Variants in ATP2B2 observed in about 807,000 individuals in gnomAD.
ATP2B2 encodes the protein ATPase plasma membrane Ca2+ transporting 2, also known as plasma membrane calcium-transporting ATPase 2.
In ATP2B2, 15 loss-of-function variants were observed where a neutral mutation model predicts 120.0. The observed-to-expected ratio is 0.12, with a 90% confidence interval of 0.08 to 0.19. The LOEUF is 0.19. Ranked by LOEUF, ATP2B2 falls within the 10% of genes least tolerant of loss-of-function variation. The pLI, the probability that ATP2B2 is intolerant of heterozygous loss-of-function variation, is 1.00. For synonymous variants in ATP2B2, 694 were observed against 700.3 expected (o/e 0.99, Z 0.14); for missense variants, 1,045 against 1,719.8 (o/e 0.61, Z 6.94).
Position 10,583,049 on chromosome 3 carries a change from G to C in ATP2B2, c.-415+36868C>G, listed in dbSNP as rs78839614. On this transcript the variant is annotated intron_variant, in intron 2 of 21. Coordinates refer to the ATP2B2 transcript ENST00000646379. ...TTAAAGTTTGCTTGTTTTTAAATCAGGCACCTGCTTCCTGCATTTGCTTTC... is the reference window on the plus strand; with the variant it reads ...TTAAAGTTTGCTTGTTTTTAAATCACGCACCTGCTTCCTGCATTTGCTTTC... Among the ~76,000 whole-genome samples, 4 of 152,312 alleles carry C rather than the reference G, an allele frequency of 2.6e-5. No individual in the cohort carries two copies. The East Asian group carries it at 7.7e-4, about 29-fold the overall frequency.
At chr3:10,666,231 C>T (rs752836738) in intron 1 of ATP2B2, among the ~76,000 whole-genome samples, 1 of 152,144 alleles carries the variant, frequency 6.6e-6, no homozygotes, top group Non-Finnish European at 1.5e-5. Flanking sequence ...CCTGCTACTA[C>T]GCTGCTTTTA....
At chr3:10,611,503 G>C (rs1457841668) in intron 2 of ATP2B2, among the ~76,000 whole-genome samples, 3 of 152,180 alleles carry the variant, frequency 2.0e-5, no homozygotes, top group Non-Finnish European at 4.4e-5. Context: ...CCCCTGGCCA[G>C]AGGAAGGCAG....
intron 2 of ATP2B2, among the ~76,000 whole-genome samples, chr3:10,534,859 T>TTC (rs1198152854): frequency 5.3e-5 from 8 of 150,028 alleles, no homozygotes; most frequent in South Asian, 2.1e-4. Flanking sequence ...ATCAGCTTCC[T>TTC]TCTCTCTCTC....
chr3:10,658,587 G>A (rs1359852709), intron 1 of ATP2B2, among the ~76,000 whole-genome samples: 4 of 152,168 alleles, frequency 2.6e-5, no homozygotes, highest in Non-Finnish European at 5.9e-5. Flanking sequence ...AGAAATATGG[G>A]ACTATGTGAA....
intron 21 of ATP2B2, among the ~76,000 whole-genome samples, chr3:10,339,082 G>A (rs2060206441): frequency 6.6e-6 from 1 of 152,200 alleles, no homozygotes; most frequent in Non-Finnish European, 1.5e-5. Flanking sequence ...TGGCATGAAT[G>A]CAGCCTCAGG....
chr3:10,673,613 A>C (rs1167403334), intron 1 of ATP2B2, among the ~76,000 whole-genome samples: 2 of 151,842 alleles, frequency 1.3e-5, no homozygotes, highest in Non-Finnish European at 2.9e-5. Context: ...AAGCCTGGGC[A>C]ACATAGCAAG....
At chr3:10,587,355 G>A (rs2068535126) in intron 2 of ATP2B2, among the ~76,000 whole-genome samples, 1 of 151,302 alleles carries the variant, frequency 6.6e-6, no homozygotes, top group Admixed American at 6.6e-5. Context: ...TAAAGAGACA[G>A]GGTTGTTTAG....
intron 2 of ATP2B2, among the ~76,000 whole-genome samples, chr3:10,585,567 T>C (rs983580377): frequency 2.8e-5 from 4 of 140,714 alleles, no homozygotes; most frequent in African/African-American, 7.8e-5. Flanking sequence ...ACTCTACCCA[T>C]CTCTGCAGCT....
chr3:10,340,655 C>T lies in ATP2B2; in HGVS notation c.2967G>A (p.Ser989=), dbSNP rs61736452. 4,705 of 1,614,136 alleles carry T rather than the reference C, an allele frequency of 2.9e-3. 113 individuals are homozygous for T. In the African/African-American group the frequency reaches 0.055, roughly 19 times the overall value. Residue 989 remains serine (S), a synonymous_variant, in exon 20 of 23, where the codon TCG becomes TCA. Coordinates refer to ENST00000360273, the MANE Select transcript of ATP2B2 (RefSeq NM_001001331.4). The surrounding 1 kb of genome is among the most constrained non-coding windows in gnomAD (Gnocchi z 5.0). ...IDSGRNAPLH[S]PPSEHYTIIF... ...TGATGGTGTAATGTTCTGAGGGTGG[C>T]GAATGCAGGGGCGCGTTCCTCCCGC...
At chr3:10,654,987 G>A (rs2125671501) in intron 1 of ATP2B2, among the ~76,000 whole-genome samples, 1 of 152,274 alleles carries the variant, frequency 6.6e-6, no homozygotes, top group East Asian at 1.9e-4. Flanking sequence ...CTCTCAGCCT[G>A]GAAGGTGCTT....
At chr3:10,545,435 G>T (rs1026160587) in intron 2 of ATP2B2, among the ~76,000 whole-genome samples, 1 of 151,726 alleles carries the variant, frequency 6.6e-6, no homozygotes, top group Non-Finnish European at 1.5e-5. Context: ...AGGCTGCAGC[G>T]AGAGAATCGC....
chr3:10,611,323 C>A (rs935865656), intron 2 of ATP2B2, among the ~76,000 whole-genome samples: 1 of 152,194 alleles, frequency 6.6e-6, no homozygotes, highest in African/African-American at 2.4e-5. Context: ...GCAGGGGCAC[C>A]TCCCTGGCCT....
chr3:10,358,748 G>A lies in ATP2B2; in HGVS notation c.2079C>T (p.Ile693=), dbSNP rs2125445852. Residue 693 remains isoleucine (I), a synonymous_variant, in exon 14 of 23, where the codon ATC becomes ATT. Coordinates refer to ENST00000360273, the MANE Select transcript of ATP2B2 (RefSeq NM_001001331.4). ...PEPDWDNEND[I]LNELTCICVV... ...CGCAGATGCAGGTGAGTTCGTTGAG[G>A]ATGTCATTCTCATTGTCCCAGTCCG... The A allele has an allele frequency of 6.2e-7, 1 of 1,614,260 alleles. No individual in the cohort carries two copies. The highest frequency in any genetic ancestry group is 1.1e-5 in the South Asian group (1 of 91,080).
intron 1 of ATP2B2, among the ~76,000 whole-genome samples, chr3:10,486,049 C>T (rs1276136906): frequency 6.6e-6 from 1 of 152,160 alleles, no homozygotes; most frequent in Non-Finnish European, 1.5e-5. Context: ...AAGTCAGGTG[C>T]CGGGACTCAG....
At chr3:10,453,675 C>T (rs925493931) in intron 1 of ATP2B2, among the ~76,000 whole-genome samples, 5 of 152,164 alleles carry the variant, frequency 3.3e-5, no homozygotes, top group Non-Finnish European at 5.9e-5. Flanking sequence ...GTGCTACCTG[C>T]GGAGTGGCTT....
chr3:10,492,663 T>G (rs1575400507), intron 1 of ATP2B2, among the ~76,000 whole-genome samples: 1 of 152,146 alleles, frequency 6.6e-6, no homozygotes, highest in East Asian at 1.9e-4. Flanking sequence ...CCTTTGCCCA[T>G]GCTCTCCCTC....
chr3:10,336,273 C>T (rs1174793521), intron 22 of ATP2B2: 27 of 1,550,446 alleles, frequency 1.7e-5, no homozygotes, highest in African/African-American at 4.1e-5. Context: ...AAGGAGGCCC[C>T]GCTCTTGAAA....
At position 10,329,193 on chromosome 3, in the gene ATP2B2, G is replaced by C; in HGVS notation, c.3421-68C>G. ...ACAGCCAGGCTCGGGGGGCTCACAG[G>C]AGGGGCGGGTGGGAGAAGGGTTAGG... On this transcript the variant is annotated intron_variant, in intron 22 of 22. Coordinates refer to ENST00000360273, the MANE Select transcript of ATP2B2 (RefSeq NM_001001331.4). The surrounding 1 kb of genome is among the most constrained non-coding windows in gnomAD (Gnocchi z 5.9). 1 of 1,299,340 alleles carries C rather than the reference G, an allele frequency of 7.7e-7. No individual in the cohort carries two copies. Among genetic ancestry groups the C allele is most frequent in the Non-Finnish European group, 1.1e-6 (1 of 915,096 alleles). 80.5% of individuals were successfully genotyped at this position (1,299,340 alleles called of 1,614,324 possible).
rs1457501969 is a variant in ATP2B2 at position 10,327,660 on chromosome 3, T to G, written c.*1154A>C. The G allele has an allele frequency of 6.5e-6, 1 of 152,704 alleles. No homozygotes were observed. Among genetic ancestry groups the G allele is most frequent in the Non-Finnish European group, 1.5e-5 (1 of 68,056 alleles). The allele number at this position is 152,704 out of a possible 1,614,324, so 9.5% of individuals were successfully genotyped here. Reference sequence around the variant, plus strand: ...CTTAGTAAACTCAAGCGAGTTTCATTGAGAGAAAAGTCTTCGAGCAGTGCT... The same window carrying G: ...CTTAGTAAACTCAAGCGAGTTTCATGGAGAGAAAAGTCTTCGAGCAGTGCT... On this transcript the variant is annotated 3_prime_UTR_variant, in exon 23 of 23. Transcript: ENST00000360273.
Sources: allele counts gnomAD v4.1 joint callset (sites outside exome capture counted in the v4.1 genomes callset), GRCh38; gene constraint gnomAD v4.1.1; non-coding constraint Gnocchi (gnomAD v3.1); transcripts MANE v1.5; gene names NCBI Gene and HGNC (gene_info 2026-07-23, HGNC 2026-07-21).